The following SH3PXD2A variants were observed in gnomAD, a reference collection of about 807,000 sequenced individuals.
SH3PXD2A encodes SH3 and PX domains 2A.
Under a neutral mutation model 115.2 loss-of-function variants are expected in SH3PXD2A, and 32 were observed. That is an observed-to-expected ratio of 0.28 (90% CI 0.21 to 0.37). The LOEUF (loss-of-function observed/expected upper bound fraction) is 0.37. SH3PXD2A is among the 10% of genes least tolerant of loss of function. SH3PXD2A has a pLI of 1.00. For synonymous variants in SH3PXD2A, 610 were observed against 629.1 expected (o/e 0.97, Z 0.45); for missense variants, 1,328 against 1,498.7 (o/e 0.89, Z 1.88).
chr10:103,795,183 T>C (rs1179546369), intron 2 of SH3PXD2A, among the ~76,000 whole-genome samples: 1 of 152,232 alleles, frequency 6.6e-6, no homozygotes, highest in African/African-American at 2.4e-5. Context: ...GAACTGAACA[T>C]TTACTTTTAT....
At chr10:103,825,984 C>T (rs1056937525) in intron 1 of SH3PXD2A, among the ~76,000 whole-genome samples, 12 of 152,088 alleles carry the variant, frequency 7.9e-5, no homozygotes, top group Non-Finnish European at 1.5e-4. Context: ...AGGATGGTCT[C>T]AATCTCCTGA....
intron 8 of SH3PXD2A, among the ~76,000 whole-genome samples, chr10:103,645,205 C>T (rs1300117690): frequency 5.3e-5 from 8 of 152,208 alleles, no homozygotes; most frequent in Non-Finnish European, 1.0e-4. Context: ...ATCTTGGCAT[C>T]CTGACAAGCT....
At chr10:103,817,432 C>T (rs1370340414) in intron 1 of SH3PXD2A, among the ~76,000 whole-genome samples, 1 of 152,140 alleles carries the variant, frequency 6.6e-6, no homozygotes, top group African/African-American at 2.4e-5. Context: ...CCTCTGCCTC[C>T]CAGGTTCAAG....
At chr10:103,788,898 T>C (rs2039005531) in intron 2 of SH3PXD2A, among the ~76,000 whole-genome samples, 1 of 151,818 alleles carries the variant, frequency 6.6e-6, no homozygotes, top group Admixed American at 6.6e-5. Context: ...TAAAATAAAA[T>C]AAACTAGTGT....
chr10:103,604,682 C>A (rs925074601), intron 14 of SH3PXD2A, among the ~76,000 whole-genome samples: 1 of 152,182 alleles, frequency 6.6e-6, no homozygotes, highest in African/African-American at 2.4e-5. Context: ...AAGAAGAGAC[C>A]AGTCCTCTGC....
At chr10:103,606,432 TAAAAAAAAAAAAAAAAAA>T (rs533450822) in intron 13 of SH3PXD2A, among the ~76,000 whole-genome samples, 1 of 8,148 alleles carries the variant, frequency 1.2e-4, no homozygotes, top group Non-Finnish European at 2.2e-4. Flanking sequence ...AAGAATTTGC[TAAAAAAAAAAAAAAAAAA>T]AAAAAAAAAG....
intron 5 of SH3PXD2A, among the ~76,000 whole-genome samples, chr10:103,706,004 G>GA (rs58668048): frequency 0.029 from 2,808 of 96,376 alleles, 28 homozygotes; most frequent in Middle Eastern, 0.061. Flanking sequence ...GTCTCAAAAA[G>GA]AAAAAAAAAA....
chr10:103,642,808 G>A (rs1564852032), intron 8 of SH3PXD2A, among the ~76,000 whole-genome samples: 3 of 152,224 alleles, frequency 2.0e-5, no homozygotes, highest in Admixed American at 6.5e-5. Flanking sequence ...CCTAAGATGC[G>A]TACATGTACG....
At chr10:103,767,334 G>A (rs1408026975) in intron 2 of SH3PXD2A, among the ~76,000 whole-genome samples, 165 bp from the exon 3 acceptor site, 1 of 152,204 alleles carries the variant, frequency 6.6e-6, no homozygotes, top group African/African-American at 2.4e-5. Flanking sequence ...CATGGGGCAT[G>A]AGAGGGAGGA....
Position 103,602,593 on chromosome 10 carries a change from G to T in SH3PXD2A, c.2625C>A (p.Ser875Arg), listed in dbSNP as rs1018712885. Reference protein sequence around the residue: ...VEVQVLEKQESGWWYVRFGEL... With the variant: ...VEVQVLEKQERGWWYVRFGEL... Reference sequence around the variant, plus strand: ...CCCCAAACCTCACATACCACCACCCGCTCTCCTGCTTCTCCAGCACCTGCA... The same window carrying T: ...CCCCAAACCTCACATACCACCACCCTCTCTCCTGCTTCTCCAGCACCTGCA... Residue 875 changes from serine (S) to arginine (R), a missense_variant, in exon 15 of 15, where the codon AGC becomes AGA. Around this residue, in one of 5 missense-constraint regions of SH3PXD2A, gnomAD observed 574 missense variants for 565.7 expected, o/e 1.01. Transcript: ENST00000369774. The T allele has an allele frequency of 6.2e-7, 1 of 1,614,064 alleles. No individual in the cohort carries two copies. Among genetic ancestry groups the T allele is most frequent in the Non-Finnish European group, 8.5e-7 (1 of 1,180,014 alleles).
intron 13 of SH3PXD2A, among the ~76,000 whole-genome samples, chr10:103,608,082 T>TC (rs1312604055): frequency 7.4e-6 from 1 of 134,344 alleles, no homozygotes; most frequent in East Asian, 2.4e-4. Flanking sequence ...CTGCTGACCT[T>TC]CCCTCCACTA....
chr10:103,796,641 G>T (rs896118611), intron 2 of SH3PXD2A, among the ~76,000 whole-genome samples: 4 of 152,082 alleles, frequency 2.6e-5, no homozygotes, highest in Non-Finnish European at 5.9e-5. Context: ...TACAAAAGCT[G>T]CTGCCTGGGG....
In SH3PXD2A at chr10:103,605,820, A is replaced by G; in HGVS notation, c.1406T>C (p.Phe469Ser). Residue 469 changes from phenylalanine (F) to serine (S), a missense_variant, in exon 14 of 15, where the codon TTT (phenylalanine) becomes TCT (serine). Around this residue, in one of 5 missense-constraint regions of SH3PXD2A, gnomAD observed 509 missense variants for 628.3 expected, o/e 0.81. Transcript: ENST00000369774. ...TACCTCTGCCTTCTGTCCACCCCGA[A>G]AGCTGATGCCATCGGAAATGCACGA... ...FQSCISDGIS[F>S]RGGQKAEVID... 1.2e-6 allele frequency: 2 copies of G among 1,613,948 alleles called. No individual in the cohort carries two copies. The highest frequency in any genetic ancestry group is 1.7e-6 in the Non-Finnish European group (2 of 1,179,774).
intron 6 of SH3PXD2A, among the ~76,000 whole-genome samples, chr10:103,671,767 TG>T (rs537589546): frequency 7.8e-6 from 1 of 128,284 alleles, no homozygotes; most frequent in African/African-American, 2.9e-5. Context: ...GAAGGAGCAG[TG>T]GGGGGGAGGC....
intron 2 of SH3PXD2A, among the ~76,000 whole-genome samples, chr10:103,790,699 G>GT (rs1186385228): frequency 1.3e-5 from 2 of 152,140 alleles, no homozygotes; most frequent in Non-Finnish European, 2.9e-5. Flanking sequence ...ACTCGGTTTT[G>GT]TTTTTTAGAA....
chr10:103,776,404 A>G (rs2038878439), intron 2 of SH3PXD2A, among the ~76,000 whole-genome samples: 1 of 150,096 alleles, frequency 6.7e-6, no homozygotes, highest in Non-Finnish European at 1.5e-5. Flanking sequence ...TCAAAAAAAA[A>G]AAAAAAAAAG....
chr10:103,728,900 T>TTTG (rs1188290392), intron 4 of SH3PXD2A, among the ~76,000 whole-genome samples: 1 of 146,820 alleles, frequency 6.8e-6, no homozygotes, highest in East Asian at 1.9e-4. Context: ...TTTGTTTGTT[T>TTTG]TTTTTTTTTT....
rs144421517 is a variant in SH3PXD2A at position 103,665,122 on chromosome 10, G to A, written c.472+3486C>T. Among the ~76,000 whole-genome samples the A allele has an allele frequency of 4.0e-4, 61 of 152,304 alleles. No homozygotes were observed. Among genetic ancestry groups the A allele is most frequent in the East Asian group, 9.6e-4 (5 of 5,186 alleles). On this transcript the variant is annotated intron_variant, in intron 7 of 14. Transcript: ENST00000369774. This position sits in a 1 kb window ranked among gnomAD's most constrained non-coding sequence, Gnocchi z 4.0. ...ACAGAGGGACTCATTGGTTTGTGGT[G>A]TCAATATGAATACCTTGACTCTGAT...
chr10:103,805,027 G>C (rs900196557), intron 1 of SH3PXD2A, among the ~76,000 whole-genome samples: 4 of 152,170 alleles, frequency 2.6e-5, no homozygotes, highest in African/African-American at 7.2e-5. Context: ...AGGCCAATCC[G>C]CCCCTGGAGA....
Sources: gnomAD v4.1 joint callset for allele counts (sites outside exome capture counted in the v4.1 genomes callset) on GRCh38, gnomAD v4.1.1 for gene constraint, gnomAD v4.1.1 regional missense constraint, Gnocchi (gnomAD v3.1) non-coding constraint, MANE v1.5 for transcripts, NCBI Gene and HGNC (gene_info 2026-07-23, HGNC 2026-07-21) for gene names.